The following CASK variants were observed in gnomAD, a reference collection of about 807,000 sequenced individuals.
CASK encodes the protein calcium/calmodulin dependent serine protein kinase.
A neutral mutation model predicts 82.9 loss-of-function variants in CASK; 4 were observed. That is an observed-to-expected ratio of 0.05 (90% CI 0.02 to 0.11). CASK has a LOEUF of 0.11. Among genes scored for constraint, CASK ranks in the 10% least tolerant of loss-of-function variants. CASK has a pLI of 1.00. For synonymous variants in CASK, 259 were observed against 253.5 expected (o/e 1.02, Z -0.20); for missense variants, 358 against 720.9 (o/e 0.50, Z 5.76).
chrX:41,676,728 G>T (rs1465085071), intron 5 of CASK, among the ~76,000 whole-genome samples: 1 of 112,549 alleles, frequency 8.9e-6, no homozygotes, highest in African/African-American at 3.2e-5. Context: ...TGAAGAAACA[G>T]GGAAAAAGGA....
intron 8 of CASK, among the ~76,000 whole-genome samples, chrX:41,644,480 T>C (rs1024770661): frequency 2.7e-5 from 3 of 111,877 alleles, no homozygotes; most frequent in African/African-American, 6.5e-5. Flanking sequence ...CCGAGAAAGA[T>C]GTATGTCACC....
chrX:41,863,052 C>A (rs1430060782), intron 1 of CASK, among the ~76,000 whole-genome samples: 1 of 112,161 alleles, frequency 8.9e-6, no homozygotes, highest in African/African-American at 3.2e-5. Context: ...ATAATGAAGA[C>A]ATCAACAACT....
chrX:41,919,526 A>C (rs1044860657), intron 1 of CASK, among the ~76,000 whole-genome samples: 2 of 112,584 alleles, frequency 1.8e-5, no homozygotes, highest in African/African-American at 6.5e-5. Flanking sequence ...TACCGGTTGT[A>C]CACTTACTTA....
intron 5 of CASK, chrX:41,696,777 T>A: frequency 8.9e-7 from 1 of 1,117,803 alleles, no homozygotes; most frequent in Non-Finnish European, 1.2e-6. Flanking sequence ...TAAAAGTACT[T>A]GAGGTAAACA....
Position 41,626,845 on chromosome X carries a change from A to G in CASK, c.916-142T>C, listed in dbSNP as rs1278700473. Reference sequence around the variant, plus strand: ...TGGCTAGAAGAGAGGTAGTTTTTAAATTATTTCAGATTCCTTGAAATAAAT... The same window carrying G: ...TGGCTAGAAGAGAGGTAGTTTTTAAGTTATTTCAGATTCCTTGAAATAAAT... On this transcript the variant is annotated intron_variant, in intron 9 of 26. Transcript: ENST00000378163. 1.1e-5 allele frequency: 5 copies of G among 469,219 alleles called. No homozygotes were observed. The African/African-American group carries it at 1.2e-4, about 11-fold the overall frequency. The allele number at this position is 469,219 out of a possible 1,213,427, so 38.7% of individuals were successfully genotyped here. A position where few individuals can be genotyped will look rare whatever the true frequency, so the allele number is the denominator to read the frequency against.
At chrX:41,896,063 G>C (rs1245841784) in intron 1 of CASK, among the ~76,000 whole-genome samples, 2 of 111,340 alleles carry the variant, frequency 1.8e-5, no homozygotes, top group African/African-American at 6.5e-5. Context: ...AACAAAAATG[G>C]GATGCCTTAC....
intron 8 of CASK, among the ~76,000 whole-genome samples, chrX:41,642,885 A>C (rs2066683863): frequency 8.9e-6 from 1 of 111,975 alleles, no homozygotes; most frequent in South Asian, 3.7e-4. Flanking sequence ...TTTTAGGTCT[A>C]ACATTTAAGT....
Position 41,534,855 on chromosome X carries a change from A to T in CASK, c.2236+38T>A, listed in dbSNP as rs185293530. 3 of 1,139,280 alleles carry T rather than the reference A, an allele frequency of 2.6e-6. No individual in the cohort carries two copies. The Admixed American group carries it at 6.6e-5, about 25-fold the overall frequency. The allele number at this position is 1,139,280 out of a possible 1,213,427, so 93.9% of individuals were successfully genotyped here. On this transcript the variant is annotated intron_variant, in intron 23 of 26. Transcript: ENST00000378163. ...AATAATGTTCACAAAATGTTTTGAA[A>T]GTGAGAATAAGCAACTCACTTACAC...
intron 16 of CASK, among the ~76,000 whole-genome samples, chrX:41,564,334 G>T (rs1024055987): frequency 1.8e-5 from 2 of 112,290 alleles, no homozygotes; most frequent in African/African-American, 6.5e-5. Flanking sequence ...TATTCTTAAT[G>T]AAGAAATATT....
At chrX:41,711,199 T>A (rs756290304) in intron 5 of CASK, among the ~76,000 whole-genome samples, 5 of 111,922 alleles carry the variant, frequency 4.5e-5, no homozygotes, top group Non-Finnish European at 9.4e-5. Flanking sequence ...TGGAATCTGA[T>A]GCTATCTCTA....
intron 2 of CASK, among the ~76,000 whole-genome samples, chrX:41,848,110 T>C (rs2071194205): frequency 8.9e-6 from 1 of 112,694 alleles, no homozygotes; most frequent in African/African-American, 3.2e-5. Flanking sequence ...GCCCAGCTGT[T>C]ATCTATGCCT....
At chrX:41,764,805 CA>C (rs1002615943) in intron 3 of CASK, among the ~76,000 whole-genome samples, 21 of 107,532 alleles carry the variant, frequency 2.0e-4, no homozygotes, top group African/African-American at 5.1e-4. Flanking sequence ...ATACTGTAGC[CA>C]AAAAAAAACA....
At chrX:41,665,952 C>G (rs944140972) in intron 6 of CASK, 3 of 112,702 alleles carry the variant, frequency 2.7e-5, no homozygotes, top group Admixed American at 9.4e-5. Context: ...ACTTGACTGC[C>G]AAATGGAAAT....
intron 1 of CASK, among the ~76,000 whole-genome samples, chrX:41,879,010 A>G (rs924508853): frequency 1.3e-4 from 15 of 111,467 alleles, no homozygotes; most frequent in African/African-American, 4.6e-4. Flanking sequence ...TACCTTATAG[A>G]AATTAAAAGT....
At chrX:41,789,952 C>G (rs377210552) in intron 2 of CASK, among the ~76,000 whole-genome samples, 1 of 111,179 alleles carries the variant, frequency 9.0e-6, no homozygotes, top group South Asian at 3.8e-4. Context: ...TTTTTTGAGA[C>G]AGAGTCTTGC....
chrX:41,610,078 C>T (rs929722612), intron 11 of CASK, 53 bp from the exon 12 acceptor site: 5 of 1,159,273 alleles, frequency 4.3e-6, no homozygotes, highest in East Asian at 3.1e-5. Context: ...CAATGTCAAA[C>T]TAACTTTTTA....
chrX:41,527,490 C>T (rs2064732904), intron 25 of CASK, among the ~76,000 whole-genome samples: 1 of 111,941 alleles, frequency 8.9e-6, no homozygotes, highest in Non-Finnish European at 1.9e-5. Context: ...GTATAAGAGG[C>T]AGATATCTAT....
chrX:41,704,004 T>G (rs2067843858), intron 5 of CASK, among the ~76,000 whole-genome samples: 1 of 111,461 alleles, frequency 9.0e-6, no homozygotes, highest in African/African-American at 3.3e-5. Flanking sequence ...TCTTCTTGGG[T>G]GAATGGCCTA....
At chrX:41,890,543 GAC>G (rs1248737332) in intron 1 of CASK, among the ~76,000 whole-genome samples, 1 of 111,780 alleles carries the variant, frequency 8.9e-6, no homozygotes, top group Non-Finnish European at 1.9e-5. Flanking sequence ...TCAAAAGAAA[GAC>G]AGAAAAATGT....
Sources: allele counts gnomAD v4.1 joint callset (sites outside exome capture counted in the v4.1 genomes callset), GRCh38; gene constraint gnomAD v4.1.1; transcripts MANE v1.5; gene names NCBI Gene and HGNC (gene_info 2026-07-23, HGNC 2026-07-21).